GRM7: variants seen among roughly 807,000 people sequenced by gnomAD.
GRM7 encodes the protein metabotropic glutamate receptor 7.
GRM7 carries 35 observed loss-of-function variants against 84.5 expected under a neutral mutation model. The ratio of observed to expected loss-of-function variants is 0.41; its 90% confidence interval spans 0.32 to 0.55. The LOEUF (loss-of-function observed/expected upper bound fraction) is 0.55. Among genes scored for constraint, GRM7 ranks in the 20% least tolerant of loss-of-function variants. The pLI is 0.19. For missense variants in GRM7, 1,003 were observed against 1,194.6 expected (o/e 0.84, Z 2.36); for synonymous variants, 487 against 455.1 (o/e 1.07, Z -0.89).
chr3:6,890,719 G>T (rs550164479), intron 1 of GRM7, among the ~76,000 whole-genome samples: 1 of 152,124 alleles, frequency 6.6e-6, no homozygotes, highest in South Asian at 2.1e-4. Context: ...TTGATTTGGG[G>T]TGGAGAGTTC....
chr3:6,901,716 T>C (rs1696395052), intron 1 of GRM7, among the ~76,000 whole-genome samples: 1 of 151,596 alleles, frequency 6.6e-6, no homozygotes, highest in Non-Finnish European at 1.5e-5. Flanking sequence ...TGTGAAATCT[T>C]TTTGAGGCCT....
At chr3:7,370,445 T>A (rs1694083924) in intron 4 of GRM7, among the ~76,000 whole-genome samples, 1 of 152,168 alleles carries the variant, frequency 6.6e-6, no homozygotes, top group South Asian at 2.1e-4. Context: ...GACTTGGCTG[T>A]CATTCTCTCT....
chr3:6,949,425 G>A (rs1692613996), intron 1 of GRM7, among the ~76,000 whole-genome samples: 1 of 152,244 alleles, frequency 6.6e-6, no homozygotes, highest in African/African-American at 2.4e-5. Context: ...TGAGAGATCT[G>A]CTGTTAGTCT....
chr3:7,314,690 T>A (rs771427142), intron 4 of GRM7, among the ~76,000 whole-genome samples: 4 of 152,180 alleles, frequency 2.6e-5, no homozygotes, highest in Non-Finnish European at 5.9e-5. Context: ...TGTCCATGGT[T>A]TCCTGTAGCT....
chr3:7,624,818 A>G (rs1286739989), intron 8 of GRM7, among the ~76,000 whole-genome samples: 3 of 152,118 alleles, frequency 2.0e-5, no homozygotes, highest in Non-Finnish European at 2.9e-5. Flanking sequence ...CAAAGGTTAG[A>G]CGTTACCTGG....
intron 1 of GRM7, among the ~76,000 whole-genome samples, chr3:7,138,828 T>G (rs987999244): frequency 1.3e-5 from 2 of 151,296 alleles, no homozygotes; most frequent in African/African-American, 4.8e-5. Flanking sequence ...GTGAAAGAAA[T>G]CACAGGAAGT....
chr3:7,397,062 T>G (rs1031268501), intron 4 of GRM7, among the ~76,000 whole-genome samples: 1 of 152,138 alleles, frequency 6.6e-6, no homozygotes, highest in African/African-American at 2.4e-5. Flanking sequence ...TTGTTTGATT[T>G]CAGATTGAAA....
chr3:7,237,693 T>C (rs1462401632), intron 2 of GRM7, among the ~76,000 whole-genome samples: 3 of 152,076 alleles, frequency 2.0e-5, no homozygotes, highest in African/African-American at 7.2e-5. Context: ...GCAAGATTTA[T>C]TGTGAAGAGT....
At chr3:7,189,959 GAC>G (rs1011459784) in intron 2 of GRM7, among the ~76,000 whole-genome samples, 15 of 151,736 alleles carry the variant, frequency 9.9e-5, no homozygotes, top group South Asian at 2.1e-4. Flanking sequence ...AAGCAATGTA[GAC>G]ACACACACAC....
At chr3:7,302,615 A>G (rs1700041436) in intron 3 of GRM7, among the ~76,000 whole-genome samples, 1 of 152,116 alleles carries the variant, frequency 6.6e-6, no homozygotes, top group Non-Finnish European at 1.5e-5. Context: ...ATATATACAC[A>G]TATACAGGCA....
chr3:7,299,743 T>C (rs983246737), intron 3 of GRM7, among the ~76,000 whole-genome samples: 3 of 152,180 alleles, frequency 2.0e-5, no homozygotes, highest in Admixed American at 6.5e-5. Flanking sequence ...CCTATACTTC[T>C]ACTCAGTATT....
chr3:7,069,609 G>A (rs1321366685), intron 1 of GRM7, among the ~76,000 whole-genome samples: 1 of 152,036 alleles, frequency 6.6e-6, no homozygotes, highest in Non-Finnish European at 1.5e-5. Context: ...GGCCTCTTAT[G>A]ATTTTTAGAG....
intron 2 of GRM7, among the ~76,000 whole-genome samples, chr3:7,190,122 G>T (rs547203215): frequency 3.3e-5 from 5 of 152,260 alleles, no homozygotes; most frequent in Admixed American, 1.3e-4. Flanking sequence ...TAAGCCAGGA[G>T]CCATGGTGAA....
chr3:7,622,990 G>A (rs1474303347), intron 8 of GRM7, among the ~76,000 whole-genome samples: 1 of 152,116 alleles, frequency 6.6e-6, no homozygotes, highest in African/African-American at 2.4e-5. Flanking sequence ...ACTAAGAAAC[G>A]GTGAATGCTT....
chr3:7,184,860 ATTG>A (rs1304112533), intron 2 of GRM7, among the ~76,000 whole-genome samples: 5 of 152,202 alleles, frequency 3.3e-5, no homozygotes, highest in African/African-American at 9.6e-5. Flanking sequence ...GTTTATAATG[ATTG>A]TTGTTCTATG....
At position 7,641,582 on chromosome 3, in the gene GRM7, AT is replaced by A. The variant is rs1272218416; in HGVS notation, c.2452-38466del. On this transcript the variant is annotated intron_variant, in intron 8 of 9. Transcript: ENST00000357716. ...AGGACACCAAATTAATCAAATTGGG[AT>A]GTCCAGGGGAGGGGAGAATGGGGAG... 2.6e-5 allele frequency among the ~76,000 whole-genome samples: 4 copies of A among 152,286 alleles called. No individual in the cohort carries two copies. The South Asian group carries it at 8.3e-4, about 32-fold the overall frequency.
At chr3:7,110,734 A>G (rs1004484247) in intron 1 of GRM7, among the ~76,000 whole-genome samples, 1 of 152,072 alleles carries the variant, frequency 6.6e-6, no homozygotes, top group Non-Finnish European at 1.5e-5. Context: ...TGCTAGGTTG[A>G]AAGGCTCATG....
chr3:7,046,138 C>G (rs899062451), intron 1 of GRM7, among the ~76,000 whole-genome samples: 4 of 152,060 alleles, frequency 2.6e-5, no homozygotes, highest in African/African-American at 9.7e-5. Context: ...AATACCTTTT[C>G]GTATTCTATT....
chr3:7,485,223 T>G (rs373744709), intron 7 of GRM7, among the ~76,000 whole-genome samples: 20 of 152,304 alleles, frequency 1.3e-4, no homozygotes, highest in African/African-American at 4.6e-4. Flanking sequence ...GATAAGTGCT[T>G]GTTGAGTCAC....
Sources: allele counts gnomAD v4.1 joint callset (sites outside exome capture counted in the v4.1 genomes callset), GRCh38; gene constraint gnomAD v4.1.1; transcripts MANE v1.5; gene names NCBI Gene and HGNC (gene_info 2026-07-23, HGNC 2026-07-21).